The following RAPGEF6 variants were observed in gnomAD, a reference collection of about 807,000 sequenced individuals.
RAPGEF6 encodes the protein PDZ domain containing guanine nucleotide exchange factor (GEF) 2.
A neutral mutation model predicts 171.4 loss-of-function variants in RAPGEF6; 56 were observed. The observed-to-expected ratio is 0.33, with a 90% CI of 0.26 to 0.41. The LOEUF is 0.41. Ranked by LOEUF, RAPGEF6 falls within the 10% of genes least tolerant of loss-of-function variation. The pLI is 1.00. For missense variants in RAPGEF6, 1,674 were observed against 1,921.4 expected, an observed-to-expected ratio of 0.87 and a Z score of 2.41; for synonymous variants, 692 against 650.1, an observed-to-expected ratio of 1.06 and a Z score of -0.98.
chr5:131,461,290 C>CT (rs1179593196), intron 19 of RAPGEF6, among the ~76,000 whole-genome samples: 1 of 152,094 alleles, frequency 6.6e-6, no homozygotes, highest in Non-Finnish European at 1.5e-5. Context: ...AAAATAGCAA[C>CT]TTTAGGTCAA....
chr5:131,505,110 G>A (rs775999548), intron 10 of RAPGEF6, among the ~76,000 whole-genome samples: 4 of 150,964 alleles, frequency 2.6e-5, no homozygotes, highest in Non-Finnish European at 5.9e-5. Context: ...TTAAATAAAG[G>A]ACTCTGAGCT....
In RAPGEF6 at chr5:131,573,514, C is replaced by G. The variant is rs542760401; in HGVS notation, c.282-11467G>C. On this transcript the variant is annotated intron_variant, in intron 4 of 27. Coordinates refer to ENST00000509018, the MANE Select transcript of RAPGEF6 (RefSeq NM_016340.6). ...GAGAGGTCGTCCTGACCTCTACCCT[C>G]TCCTCAGATGAACAAGAAAGAGTTT... Among the ~76,000 whole-genome samples, 18 of 152,228 alleles carry G rather than the reference C, an allele frequency of 1.2e-4. No individual in the cohort carries two copies. The East Asian group carries it at 3.5e-3, about 29-fold the overall frequency.
chr5:131,461,321 A>G (rs1753916565), intron 19 of RAPGEF6, among the ~76,000 whole-genome samples: 3 of 151,662 alleles, frequency 2.0e-5, no homozygotes, highest in Admixed American at 1.3e-4. Context: ...CCATACTGTG[A>G]TTTTTCAGAG....
At chr5:131,498,670 T>C (rs527800558) in intron 11 of RAPGEF6, 63 bp from the exon 12 acceptor site, 12 of 1,458,412 alleles carry the variant, frequency 8.2e-6, no homozygotes, top group African/African-American at 1.4e-5. Context: ...CAAAGAACTA[T>C]TGTTGATTAC....
intron 4 of RAPGEF6, among the ~76,000 whole-genome samples, chr5:131,567,284 C>A (rs1208140446): frequency 6.6e-6 from 1 of 151,804 alleles, no homozygotes; most frequent in African/African-American, 2.4e-5. Context: ...TGTTATCTTT[C>A]TTGTGTTTAT....
rs542052029 is a variant in RAPGEF6, at chr5:131,507,318, C to G, written c.942+753G>C. Among the ~76,000 whole-genome samples the G allele has an allele frequency of 2.0e-4, 31 of 151,840 alleles. No homozygotes were observed. In the South Asian group the frequency reaches 6.4e-3, roughly 31 times the overall value. ...GTTCTACACGTCTCCTCAGGTTAGA[C>G]ACTCAGAAGTGGAATAACAGGCTAG... On this transcript the variant is annotated intron_variant, in intron 9 of 27. Transcript: ENST00000509018.
chr5:131,597,631 T>C (rs1209350843), intron 3 of RAPGEF6, among the ~76,000 whole-genome samples: 1 of 152,122 alleles, frequency 6.6e-6, no homozygotes, highest in Non-Finnish European at 1.5e-5. Context: ...ATATCACTTA[T>C]ACGTGGAATC....
At chr5:131,599,516 A>C (rs910987733) in intron 3 of RAPGEF6, among the ~76,000 whole-genome samples, 20 of 149,646 alleles carry the variant, frequency 1.3e-4, no homozygotes, top group African/African-American at 2.7e-4. Flanking sequence ...ACACACACAC[A>C]CCTACACACA....
chr5:131,554,137 A>G (rs1223398837), intron 5 of RAPGEF6, among the ~76,000 whole-genome samples: 2 of 152,116 alleles, frequency 1.3e-5, no homozygotes, highest in African/African-American at 4.8e-5. Context: ...CGATGAATGT[A>G]AAAAAATAGA....
intron 6 of RAPGEF6, among the ~76,000 whole-genome samples, chr5:131,534,493 C>A (rs568446557): frequency 6.6e-6 from 1 of 152,022 alleles, no homozygotes; most frequent in South Asian, 2.1e-4. Flanking sequence ...CCAAAATACA[C>A]AATACCCGCA....
At chr5:131,612,886 G>A (rs1405073337) in intron 1 of RAPGEF6, among the ~76,000 whole-genome samples, 1 of 152,140 alleles carries the variant, frequency 6.6e-6, no homozygotes, top group African/African-American at 2.4e-5. Flanking sequence ...ACTTTTCAAT[G>A]TTAAAGTCTG....
Position 131,455,897 on chromosome 5 carries a change from C to T in RAPGEF6, c.2980G>A (p.Ala994Thr). 1.2e-6 allele frequency: 2 copies of T among 1,613,892 alleles called. No homozygotes were observed. The highest frequency in any genetic ancestry group is 1.7e-6 in the Non-Finnish European group (2 of 1,179,858). Residue 994 changes from alanine to threonine, a missense_variant, in exon 20 of 28, where the codon GCA becomes ACA. By Grantham distance (58) the Ala-to-Thr change is moderately conservative. Coordinates refer to ENST00000509018, the MANE Select transcript of RAPGEF6 (RefSeq NM_016340.6). Reference protein sequence around the residue: ...QDIFDPSRNMAKYRNILSSQS... With the variant: ...QDIFDPSRNMTKYRNILSSQS... Reference sequence around the variant, plus strand: ...CTACTAAGAATATTTCTATACTTTGCCATGTTTCTAGATGGATCAAAAATG... The same window carrying T: ...CTACTAAGAATATTTCTATACTTTGTCATGTTTCTAGATGGATCAAAAATG...
chr5:131,541,633 G>C (rs1317175938), intron 6 of RAPGEF6, among the ~76,000 whole-genome samples: 1 of 151,884 alleles, frequency 6.6e-6, no homozygotes, highest in African/African-American at 2.4e-5. Flanking sequence ...CTAGAATTAG[G>C]CATGAGCCAC....
chr5:131,577,260 C>T (rs1762660984), intron 4 of RAPGEF6, among the ~76,000 whole-genome samples: 1 of 152,148 alleles, frequency 6.6e-6, no homozygotes, highest in Admixed American at 6.5e-5. Flanking sequence ...AACCTTCATT[C>T]CCCCTACCAT....
intron 15 of RAPGEF6, among the ~76,000 whole-genome samples, chr5:131,481,049 C>T (rs1327063592): frequency 6.6e-6 from 1 of 151,778 alleles, no homozygotes; most frequent in Non-Finnish European, 1.5e-5. Flanking sequence ...ATCCTGCCTC[C>T]CAAGTAGCTG....
Position 131,430,917 on chromosome 5 carries a change from C to T in RAPGEF6, c.4407G>A (p.Lys1469=), listed in dbSNP as rs1213519243. The T allele has an allele frequency of 6.2e-7, 1 of 1,613,068 alleles. No homozygotes were observed. Among genetic ancestry groups the T allele is most frequent in the Non-Finnish European group, 8.5e-7 (1 of 1,179,704 alleles). The change falls in exon 26 of 28, where the codon AAG becomes AAA. Residue 1469 remains lysine, a synonymous_variant. Coordinates refer to ENST00000509018, the MANE Select transcript of RAPGEF6 (RefSeq NM_016340.6). Reference sequence around the variant, plus strand: ...TTTTATAAACTGGGTCAGTGGCATCCTTGGGGTCCAAGCCTTCAGATGACT... The same window carrying T: ...TTTTATAAACTGGGTCAGTGGCATCTTTGGGGTCCAAGCCTTCAGATGACT... ...PAESSEGLDP[K]DATDPVYKTV...
intron 16 of RAPGEF6, 79 bp from the exon 17 acceptor site, chr5:131,472,823 A>G (rs1754843419): frequency 8.1e-7 from 1 of 1,238,158 alleles, no homozygotes; most frequent in Non-Finnish European, 1.1e-6. Context: ...CTGTGCACTA[A>G]GGCATAAAAG....
intron 4 of RAPGEF6, 99 bp from the exon 5 acceptor site, chr5:131,562,146 A>G (rs533527864): frequency 8.6e-5 from 65 of 752,268 alleles, no homozygotes; most frequent in Non-Finnish European, 1.3e-4. Flanking sequence ...GCCCTGAGAT[A>G]TTATCCAAGA....
At chr5:131,510,554 A>C in intron 7 of RAPGEF6, 63 bp from the exon 8 acceptor site, 1 of 1,500,994 alleles carries the variant, frequency 6.7e-7, no homozygotes, top group Non-Finnish European at 9.1e-7. Flanking sequence ...TCACAGTCTG[A>C]ATTAATCAAA....
Sources: gnomAD v4.1 joint callset for allele counts (sites outside exome capture counted in the v4.1 genomes callset) on GRCh38, gnomAD v4.1.1 for gene constraint, MANE v1.5 for transcripts, NCBI Gene and HGNC (gene_info 2026-07-23, HGNC 2026-07-21) for gene names.